VPS13A: variants seen among roughly 807,000 people sequenced by gnomAD.
VPS13A encodes vacuolar protein sorting 13 homolog A.
VPS13A carries 264 observed loss-of-function variants against 390.9 expected under a neutral mutation model. The observed-to-expected ratio is 0.68, with a 90% CI of 0.61 to 0.75. The LOEUF is 0.75. Ranked by LOEUF, VPS13A falls within the 30% of genes least tolerant of loss-of-function variation. The pLI is 0.00. For missense variants in VPS13A, 3,409 were observed against 3,733.9 expected (o/e 0.91, Z 2.27); for synonymous variants, 1,231 against 1,227.1 (o/e 1.00, Z -0.07).
chr9:77,344,901 T>C (rs1463976029), intron 51 of VPS13A, 108 bp from the exon 52 acceptor site: 6 of 1,249,144 alleles, frequency 4.8e-6, no homozygotes, highest in Non-Finnish European at 6.8e-6. Flanking sequence ...TTCTCAGTCA[T>C]CCCAAAAATT....
chr9:77,348,265 C>T (rs140323178), intron 52 of VPS13A, among the ~76,000 whole-genome samples: 2,433 of 152,242 alleles, frequency 0.016, 62 homozygotes, highest in African/African-American at 0.054. Context: ...AAATGTGGTA[C>T]ATATACACCA....
intron 45 of VPS13A, among the ~76,000 whole-genome samples, chr9:77,330,884 G>A (rs1564734329): frequency 6.6e-6 from 1 of 151,406 alleles, no homozygotes; most frequent in Non-Finnish European, 1.5e-5. Flanking sequence ...TTGGTGATAC[G>A]TTGTGTATAT....
At chr9:77,339,277 C>T (rs939302051) in intron 47 of VPS13A, 14 of 499,644 alleles carry the variant, frequency 2.8e-5, no homozygotes, top group African/African-American at 1.6e-4. Flanking sequence ...CACAGTTTGT[C>T]CTTTGAAGTA....
chr9:77,353,845 C>A (rs1352044285), intron 54 of VPS13A, among the ~76,000 whole-genome samples: 1 of 152,026 alleles, frequency 6.6e-6, no homozygotes, highest in African/African-American at 2.4e-5. Flanking sequence ...TTTATAAACT[C>A]CTTATTATGT....
chr9:77,183,413 C>G (rs1214784836), intron 1 of VPS13A, among the ~76,000 whole-genome samples: 1 of 152,094 alleles, frequency 6.6e-6, no homozygotes, highest in Non-Finnish European at 1.5e-5. Flanking sequence ...CAGGTTTTTG[C>G]TGATTTGCTT....
Position 77,316,185 on chromosome 9 carries a change from G to C in VPS13A, c.4642G>C (p.Glu1548Gln), listed in dbSNP as rs41289967. 1.9e-6 allele frequency: 3 copies of C among 1,608,232 alleles called. No individual in the cohort carries two copies. The highest frequency in any genetic ancestry group is 1.7e-5 in the Admixed American group (1 of 59,846). Residue 1548 changes from glutamate (E) to glutamine (Q), a missense_variant, in exon 39 of 72, where the codon GAA (glutamate) becomes CAA (glutamine). Transcript: ENST00000360280. Reference protein sequence around the residue: ...WTAKEEVPTQESVKWEINVII... With the variant: ...WTAKEEVPTQQSVKWEINVII... ...TTTATTTGTTTTAGTACCTACACAG[G>C]AATCAGTGAAGTGGGAAATTAATGT...
At chr9:77,382,319 G>A (rs1157073000) in intron 68 of VPS13A, 3 of 1,540,448 alleles carry the variant, frequency 1.9e-6, no homozygotes, top group Non-Finnish European at 2.6e-6. Context: ...GCATGACTTT[G>A]CAAGTGAAAG....
At position 77,357,587 on chromosome 9, in the gene VPS13A, T is replaced by C. The variant is rs72746088; in HGVS notation, c.7807-105T>C. ...ATATTAAGATCTAAATCTAAACTAA[T>C]ACAAATATGTAGCTTACTGTTTTAA... is the stretch of plus-strand genomic sequence containing the variant. On this transcript the variant is annotated intron_variant, in intron 55 of 71. Coordinates refer to ENST00000360280, the MANE Select transcript of VPS13A (RefSeq NM_033305.3). 54,750 of 1,163,162 alleles carry C rather than the reference T, an allele frequency of 0.047. 1,502 individuals are homozygous for C. The highest frequency in any genetic ancestry group is 0.055 in the Non-Finnish European group (44,678 of 815,786). The allele number at this position is 1,163,162 out of a possible 1,614,324, so 72.1% of individuals were successfully genotyped here. A position where few individuals can be genotyped will look rare whatever the true frequency, so the allele number is the denominator to read the frequency against.
intron 10 of VPS13A, among the ~76,000 whole-genome samples, chr9:77,218,951 G>C (rs140984564): frequency 4.6e-5 from 7 of 152,240 alleles, no homozygotes; most frequent in Non-Finnish European, 1.0e-4. Flanking sequence ...GGGCACTGTG[G>C]AGTTAAGTTG....
intron 19 of VPS13A, among the ~76,000 whole-genome samples, chr9:77,241,709 A>G (rs1051885301): frequency 1.3e-5 from 2 of 152,130 alleles, no homozygotes; most frequent in African/African-American, 4.8e-5. Context: ...GGGAAGATTT[A>G]TATTTCTTCT....
At chr9:77,305,589 G>T in intron 34 of VPS13A, 1 of 205,950 alleles carries the variant, frequency 4.9e-6, no homozygotes, top group Non-Finnish European at 1.0e-5. Context: ...TGGTGATGCT[G>T]CCAACAATCT....
intron 29 of VPS13A, among the ~76,000 whole-genome samples, chr9:77,282,899 T>G (rs66651760): frequency 6.6e-6 from 1 of 151,620 alleles, no homozygotes; most frequent in Non-Finnish European, 1.5e-5. Flanking sequence ...CAGCGATCTT[T>G]GAGCTACAAT....
At chr9:77,333,672 A>C (rs148615460) in intron 46 of VPS13A, among the ~76,000 whole-genome samples, 5 of 152,158 alleles carry the variant, frequency 3.3e-5, no homozygotes, top group Admixed American at 3.3e-4. Context: ...CTAGTACTTC[A>C]GTATAGGTGC....
intron 67 of VPS13A, among the ~76,000 whole-genome samples, chr9:77,375,194 C>G (rs1327721573): frequency 6.6e-6 from 1 of 151,972 alleles, no homozygotes; most frequent in African/African-American, 2.4e-5. Context: ...TAATTCTGTA[C>G]CCAGGTATAT....
intron 1 of VPS13A, among the ~76,000 whole-genome samples, chr9:77,185,526 G>A (rs1228103808): frequency 6.6e-6 from 1 of 152,102 alleles, no homozygotes; most frequent in East Asian, 1.9e-4. Flanking sequence ...AGGGATTGGG[G>A]GAAAAACTTC....
At chr9:77,360,412 G>T in intron 58 of VPS13A, 124 bp from the exon 59 acceptor site, 2 of 693,100 alleles carry the variant, frequency 2.9e-6, no homozygotes, top group Non-Finnish European at 5.0e-6. Context: ...TTAAAATTTA[G>T]TCAACTAAAT....
chr9:77,370,116 G>C, intron 63 of VPS13A, 141 bp from the exon 64 acceptor site: 1 of 912,390 alleles, frequency 1.1e-6, no homozygotes, highest in Non-Finnish European at 1.7e-6. Flanking sequence ...CTTTTAATGT[G>C]AAACTTTTTG....
At position 77,381,642 on chromosome 9, in the gene VPS13A, C is replaced by T. The variant is rs11145407; in HGVS notation, c.9078-334C>T. 0.29 allele frequency among the ~76,000 whole-genome samples: 43,434 copies of T among 151,524 alleles called. 6,796 individuals carry two copies. Among genetic ancestry groups the T allele is most frequent in the South Asian group, 0.44 (2,118 of 4,800 alleles). On this transcript the variant is annotated intron_variant, in intron 67 of 71. Transcript: ENST00000360280. ...TCACAGAAAACTCTTAGAAGCTTTC[C>T]GTAGGGTCAGGAATGAGACAAGGAT...
intron 17 of VPS13A, 132 bp downstream of exon 17, chr9:77,228,396 G>A: frequency 3.4e-6 from 3 of 875,274 alleles, no homozygotes; most frequent in East Asian, 3.0e-5. Flanking sequence ...TCAGGAAAAA[G>A]GTTTTTTTTT....
Sources: gnomAD v4.1 joint callset for allele counts (sites outside exome capture counted in the v4.1 genomes callset) on GRCh38, gnomAD v4.1.1 for gene constraint, MANE v1.5 for transcripts, NCBI Gene and HGNC (gene_info 2026-07-23, HGNC 2026-07-21) for gene names.